PRAG1: variants seen among roughly 807,000 people sequenced by gnomAD.
The protein encoded by PRAG1 is inactive tyrosine-protein kinase PRAG1.
Under a neutral mutation model 95.6 loss-of-function variants are expected in PRAG1, and 110 were observed. That is an observed-to-expected ratio of 1.15 (90% CI 0.99 to 1.35). The LOEUF is 1.35. Ranked by LOEUF, PRAG1 falls within the 40% of genes most tolerant of loss-of-function variation. The pLI is 0.00. For synonymous variants in PRAG1, 1,052 were observed against 819.4 expected, an observed-to-expected ratio of 1.28 and a Z score of -4.85; for missense variants, 2,554 against 1,864.7, an observed-to-expected ratio of 1.37 and a Z score of -6.81.
chr8:8,349,102 T>C (rs1035245131), intron 3 of PRAG1, among the ~76,000 whole-genome samples: 1 of 152,212 alleles, frequency 6.6e-6, no homozygotes, highest in Non-Finnish European at 1.5e-5. Context: ...ACTAGGTTGG[T>C]GCAAAAGTAA....
chr8:8,353,539 T>A (rs1214166864), intron 3 of PRAG1, among the ~76,000 whole-genome samples: 13 of 152,128 alleles, frequency 8.5e-5, no homozygotes. Flanking sequence ...TCAAAATGTA[T>A]AAGATGCAGA....
At chr8:8,343,824 A>C (rs893708126) in intron 3 of PRAG1, among the ~76,000 whole-genome samples, 2 of 152,336 alleles carry the variant, frequency 1.3e-5, no homozygotes, top group Admixed American at 6.5e-5. Flanking sequence ...GTGGGCAATC[A>C]GTTACTGGCT....
At chr8:8,379,926 T>A (rs1293873892) in intron 2 of PRAG1, among the ~76,000 whole-genome samples, 1 of 152,160 alleles carries the variant, frequency 6.6e-6, no homozygotes, top group Non-Finnish European at 1.5e-5. Context: ...TTAGATAATA[T>A]TAAGGAATTA....
intron 5 of PRAG1, among the ~76,000 whole-genome samples, chr8:8,325,590 C>A (rs1798611229): frequency 6.6e-6 from 1 of 152,114 alleles, no homozygotes; most frequent in South Asian, 2.1e-4. Context: ...ATCCAAGCTG[C>A]ACAGCACAAT....
At chr8:8,329,280 C>A (rs766738551) in intron 4 of PRAG1, among the ~76,000 whole-genome samples, 2 of 151,948 alleles carry the variant, frequency 1.3e-5, no homozygotes, top group African/African-American at 2.4e-5. Context: ...ATAATCCCAG[C>A]GACTAAGGAG....
intron 3 of PRAG1, among the ~76,000 whole-genome samples, chr8:8,361,064 C>G (rs190954917): frequency 2.0e-5 from 3 of 152,260 alleles, no homozygotes; most frequent in East Asian, 1.9e-4. Context: ...AAAAAGTGAT[C>G]AATTTGATCT....
At chr8:8,337,253 C>A (rs1384793249) in intron 4 of PRAG1, among the ~76,000 whole-genome samples, 1 of 152,172 alleles carries the variant, frequency 6.6e-6, no homozygotes, top group Non-Finnish European at 1.5e-5. Flanking sequence ...TTTGGTACTG[C>A]ATGCCAAACA....
At chr8:8,355,004 CAT>C (rs1013615398) in intron 3 of PRAG1, among the ~76,000 whole-genome samples, 2 of 152,002 alleles carry the variant, frequency 1.3e-5, no homozygotes, top group African/African-American at 4.8e-5. Context: ...TTACAGATGA[CAT>C]AATCTTGTAT....
chr8:8,322,788 A>G (rs1247721457), intron 5 of PRAG1, among the ~76,000 whole-genome samples: 2 of 152,168 alleles, frequency 1.3e-5, no homozygotes, highest in African/African-American at 4.8e-5. Flanking sequence ...ACCAAGTGCC[A>G]ATCAGAAAAT....
Position 8,376,247 on chromosome 8 carries a change from C to A in PRAG1, c.2162G>T (p.Arg721Leu), listed in dbSNP as rs375344955. The change falls in exon 3 of 6, where the codon CGG becomes CTG. Residue 721 changes from arginine to leucine, a missense_variant and splice_region_variant. By Grantham distance (102) the Arg-to-Leu change is moderately radical. Coordinates refer to ENST00000615670, the MANE Select transcript of PRAG1 (RefSeq NM_001080826.3). The part of the protein sequence containing the change: ...FSPPPPPPKS[R>L]HLLKMNKSSS... ...GTCCCAGGCAGACAATGGTACTCAC[C>A]GCGACTTTGGAGGCGGAGGAGGAGG... 5.6e-6 allele frequency: 9 copies of A among 1,611,320 alleles called. No homozygotes were observed. The East Asian group carries it at 1.6e-4, about 28-fold the overall frequency.
chr8:8,325,274 T>G (rs1585218855), intron 5 of PRAG1, among the ~76,000 whole-genome samples: 1 of 152,336 alleles, frequency 6.6e-6, no homozygotes, highest in East Asian at 1.9e-4. Flanking sequence ...AAATTAATAT[T>G]GTTCCTGGTA....
chr8:8,332,906 G>C (rs1027459417), intron 4 of PRAG1, among the ~76,000 whole-genome samples: 5 of 150,594 alleles, frequency 3.3e-5, no homozygotes, highest in African/African-American at 1.2e-4. Context: ...TGTTTGCAAC[G>C]GCTGCCACAC....
chr8:8,360,595 C>A (rs970400865), intron 3 of PRAG1, among the ~76,000 whole-genome samples: 37 of 152,346 alleles, frequency 2.4e-4, no homozygotes, highest in African/African-American at 8.2e-4. Context: ...ACTTATTCTT[C>A]CAGTTCTCTA....
chr8:8,382,787 G>C (rs2116953017), intron 1 of PRAG1, among the ~76,000 whole-genome samples: 1 of 152,212 alleles, frequency 6.6e-6, no homozygotes, highest in East Asian at 1.9e-4. Flanking sequence ...CATTCCATCA[G>C]GTAGCTGTTG....
At chr8:8,320,504 G>A (rs144050933) in intron 5 of PRAG1, among the ~76,000 whole-genome samples, 7 of 152,288 alleles carry the variant, frequency 4.6e-5, no homozygotes, top group East Asian at 3.9e-4. Flanking sequence ...TGAACCAGCC[G>A]TAATGGCCCT....
In PRAG1 at chr8:8,343,422, T is replaced by C. The variant is rs1470140603; in HGVS notation, c.2163-3787A>G. 2.0e-5 allele frequency among the ~76,000 whole-genome samples: 3 copies of C among 152,316 alleles called. No homozygotes were observed. The East Asian group carries it at 5.8e-4, about 29-fold the overall frequency. ...ACTTAAATAACTAGTAATGAATGAA[T>C]GGCTAAGTCACTTGAGTGGGTCACT... On this transcript the variant is annotated intron_variant, in intron 3 of 5. Coordinates refer to ENST00000615670, the MANE Select transcript of PRAG1 (RefSeq NM_001080826.3).
rs777081630 is a variant in PRAG1, at chr8:8,377,886, T to A, written c.523A>T (p.Ile175Phe). ...GGGAAGCTCACCGGGTGGAAGGCAA[T>A]GTTCCTCTCGCCGCGGGGCTCAAGG... The part of the protein sequence containing the change: ...HNLEPRGERN[I>F]AFHPVSFPEE... Residue 175 changes from isoleucine to phenylalanine, a missense_variant, in exon 3 of 6, where the codon ATT becomes TTT. Transcript: ENST00000615670. 3.1e-6 allele frequency: 5 copies of A among 1,614,074 alleles called. No homozygotes were observed. In the East Asian group the frequency reaches 8.9e-5, roughly 29 times the overall value.
At chr8:8,342,340 C>T (rs1021202871) in intron 3 of PRAG1, among the ~76,000 whole-genome samples, 6 of 151,270 alleles carry the variant, frequency 4.0e-5, no homozygotes, top group African/African-American at 1.5e-4. Flanking sequence ...CTACAGGAGG[C>T]GCCCACCACC....
At chr8:8,336,124 CT>C (rs1388872126) in intron 4 of PRAG1, among the ~76,000 whole-genome samples, 1 of 152,120 alleles carries the variant, frequency 6.6e-6, no homozygotes, top group Non-Finnish European at 1.5e-5. Flanking sequence ...TATTTTCAGA[CT>C]TCTTATCTAT....
Sources: allele counts gnomAD v4.1 joint callset (sites outside exome capture counted in the v4.1 genomes callset), GRCh38; gene constraint gnomAD v4.1.1; transcripts MANE v1.5; gene names NCBI Gene and HGNC (gene_info 2026-07-23, HGNC 2026-07-21).